PACRG: variants seen among roughly 807,000 people sequenced by gnomAD.
The protein encoded by PACRG is parkin coregulated.
PACRG carries 29 observed loss-of-function variants against 29.7 expected under a neutral mutation model. The ratio of observed to expected loss-of-function variants is 0.98; its 90% CI spans 0.73 to 1.33. PACRG has a LOEUF of 1.33. Among genes scored for constraint, PACRG ranks in the 40% most tolerant of loss-of-function variants. PACRG has a pLI of 0.00. For missense variants in PACRG, 279 were observed against 316.2 expected (o/e 0.88, Z 0.89); for synonymous variants, 116 against 118.7 (o/e 0.98, Z 0.15).
chr6:162,779,007 G>A (rs1229037821), intron 1 of PACRG, among the ~76,000 whole-genome samples: 5 of 152,120 alleles, frequency 3.3e-5, no homozygotes, highest in South Asian at 2.1e-4. Flanking sequence ...ACCCATTAGC[G>A]GTTCTTCCTG....
chr6:163,236,149 A>G (rs898395512), intron 4 of PACRG, among the ~76,000 whole-genome samples: 10 of 152,144 alleles, frequency 6.6e-5, no homozygotes, highest in African/African-American at 2.4e-4. Context: ...CATACCCTGT[A>G]TGAACCTCAG....
intron 1 of PACRG, among the ~76,000 whole-genome samples, chr6:162,748,099 C>T (rs1781224659): frequency 1.3e-5 from 2 of 152,158 alleles, no homozygotes; most frequent in Admixed American, 1.3e-4. Context: ...CTCTCTAACT[C>T]TAGTCAATCA....
chr6:162,730,478 T>C (rs1779676797), intron 1 of PACRG, among the ~76,000 whole-genome samples: 4 of 152,146 alleles, frequency 2.6e-5, no homozygotes, highest in Admixed American at 2.6e-4. Flanking sequence ...CTCTTCCACC[T>C]AAAACATGAA....
intron 2 of PACRG, among the ~76,000 whole-genome samples, chr6:162,978,013 A>G (rs1393851502): frequency 6.6e-6 from 1 of 151,508 alleles, no homozygotes; most frequent in East Asian, 1.9e-4. Flanking sequence ...GCATGTTGGC[A>G]GGCGCCTGTA....
intron 2 of PACRG, among the ~76,000 whole-genome samples, chr6:162,927,635 C>T (rs1364088163): frequency 6.6e-6 from 1 of 151,876 alleles, no homozygotes; most frequent in Non-Finnish European, 1.5e-5. Context: ...GGGAACAAAA[C>T]ACACCAGGGT....
At chr6:163,310,384 G>A (rs1050238829) in intron 4 of PACRG, 17 of 152,246 alleles carry the variant, frequency 1.1e-4, no homozygotes, top group African/African-American at 4.1e-4. Context: ...ACCACTGTAT[G>A]CTACAGGAAG....
At chr6:163,155,264 G>A (rs1778266572) in intron 4 of PACRG, among the ~76,000 whole-genome samples, 1 of 152,218 alleles carries the variant, frequency 6.6e-6, no homozygotes, top group African/African-American at 2.4e-5. Context: ...GGTACCCCGG[G>A]CTAGGAAGTT....
At position 163,062,106 on chromosome 6, in the gene PACRG, C is replaced by T. The variant is rs201510386; in HGVS notation, c.292-44C>T. 1.5e-4 allele frequency: 238 copies of T among 1,599,778 alleles called. 2 individuals are homozygous for T. In the African/African-American group the frequency reaches 2.7e-3, roughly 18 times the overall value. ...CATAGCTTGTCTGCCGTGCTCTGCC[C>T]GAATGCTGTTTTCACATGGCGTCTC... is the stretch of plus-strand genomic sequence containing the variant. On this transcript the variant is annotated intron_variant, in intron 2 of 4. Transcript: ENST00000366888.
In PACRG at chr6:162,994,849, G is replaced by GT. The variant is rs1015821206; in HGVS notation, c.292-67295dup. On this transcript the variant is annotated intron_variant, in intron 2 of 4. Coordinates refer to ENST00000366888, the MANE Select transcript of PACRG (RefSeq NM_001080379.2). ...TTAGAGTTTCCCGTTTTTCTGTTCT[G>GT]TTTTTTCCCCATCTTTGTGGTTTTA... 1.8e-4 allele frequency among the ~76,000 whole-genome samples: 27 copies of GT among 150,806 alleles called. 1 individual carries two copies. Among genetic ancestry groups the GT allele is most frequent in the Admixed American group, 1.3e-4 (2 of 15,214 alleles).
intron 2 of PACRG, among the ~76,000 whole-genome samples, chr6:162,893,681 C>T (rs1325346956): frequency 2.6e-5 from 4 of 152,260 alleles, no homozygotes; most frequent in South Asian, 2.1e-4. Context: ...GAATGGAAGT[C>T]GACACCATCG....
At chr6:162,803,540 CAG>C (rs1436858038) in intron 1 of PACRG, among the ~76,000 whole-genome samples, 1 of 152,126 alleles carries the variant, frequency 6.6e-6, no homozygotes, top group African/African-American at 2.4e-5. Flanking sequence ...AAAGAAAAGA[CAG>C]AGACTTTCTT....
At chr6:162,749,416 G>A (rs988662344) in intron 1 of PACRG, among the ~76,000 whole-genome samples, 4 of 152,158 alleles carry the variant, frequency 2.6e-5, no homozygotes, top group Admixed American at 2.6e-4. Flanking sequence ...TGAGACATAC[G>A]AAAGATCTTA....
chr6:162,763,766 T>C (rs1273944758), intron 1 of PACRG, among the ~76,000 whole-genome samples: 2 of 152,226 alleles, frequency 1.3e-5, no homozygotes, highest in African/African-American at 4.8e-5. Flanking sequence ...TGTTGACTTA[T>C]ATTAAAAGTA....
At chr6:163,122,420 G>C (rs573968724) in intron 4 of PACRG, among the ~76,000 whole-genome samples, 1 of 152,172 alleles carries the variant, frequency 6.6e-6, no homozygotes, top group Non-Finnish European at 1.5e-5. Flanking sequence ...GGAGCCTACC[G>C]GGCGGTGTTT....
rs1005243353 is a variant in PACRG at position 163,219,601 on chromosome 6, G to A, written c.614-95226G>A. 5.9e-5 allele frequency among the ~76,000 whole-genome samples: 9 copies of A among 151,972 alleles called. No individual in the cohort carries two copies. In the South Asian group the frequency reaches 6.2e-4, roughly 11 times the overall value. ...AGAGTAAAATCCTCCTCCCCACTGCGGCCTGCAGTCAGCCTGCCTTTCCCA... is the reference window on the plus strand; with the variant it reads ...AGAGTAAAATCCTCCTCCCCACTGCAGCCTGCAGTCAGCCTGCCTTTCCCA... On this transcript the variant is annotated intron_variant, in intron 4 of 4. Coordinates refer to ENST00000366888, the MANE Select transcript of PACRG (RefSeq NM_001080379.2).
intron 4 of PACRG, among the ~76,000 whole-genome samples, chr6:163,236,224 A>G (rs1393428729): frequency 2.6e-5 from 4 of 152,120 alleles, no homozygotes; most frequent in Admixed American, 6.5e-5. Flanking sequence ...TTTTCTTCAA[A>G]CCAAAATGTA....
chr6:162,873,728 C>T (rs952908009), intron 2 of PACRG, among the ~76,000 whole-genome samples: 1 of 152,116 alleles, frequency 6.6e-6, no homozygotes, highest in African/African-American at 2.4e-5. Flanking sequence ...AACTAGCTAG[C>T]TTGAAAAACC....
chr6:162,848,088 C>G, intron 2 of PACRG, among the ~76,000 whole-genome samples: 1 of 152,066 alleles, frequency 6.6e-6, no homozygotes, highest in Non-Finnish European at 1.5e-5. Context: ...GAGGGTGCAG[C>G]GGCAGAGTTA....
intron 3 of PACRG, among the ~76,000 whole-genome samples, chr6:163,065,178 T>C (rs533996): frequency 0.31 from 46,529 of 151,954 alleles, 7,896 homozygotes; most frequent in East Asian, 0.66. Context: ...CCCTCCCACC[T>C]TTCTGATTTC....
Sources: allele counts gnomAD v4.1 joint callset (sites outside exome capture counted in the v4.1 genomes callset), GRCh38; gene constraint gnomAD v4.1.1; transcripts MANE v1.5; gene names NCBI Gene and HGNC (gene_info 2026-07-23, HGNC 2026-07-21).